RRM2: variants seen among roughly 807,000 people sequenced by gnomAD.
RRM2 encodes ribonucleotide reductase regulatory subunit M2, also known as ribonucleoside-diphosphate reductase subunit M2.
RRM2 carries 6 observed loss-of-function variants against 45.9 expected under a neutral mutation model. That is an observed-to-expected ratio of 0.13 (90% CI 0.07 to 0.26). RRM2 has a LOEUF of 0.26. Among genes scored for constraint, RRM2 ranks in the 10% least tolerant of loss-of-function variants. RRM2 has a pLI of 1.00. For synonymous variants in RRM2, 177 were observed against 173.0 expected (o/e 1.02, Z -0.18); for missense variants, 343 against 489.5 (o/e 0.70, Z 2.82).
chr2:10,200,048 A>G (rs1664513844), intron 3 of RRM2, among the ~76,000 whole-genome samples: 1 of 152,060 alleles, frequency 6.6e-6, no homozygotes, highest in African/African-American at 2.4e-5. Context: ...GGCCAGGCTG[A>G]TCTCCAACTC....
Position 10,122,759 on chromosome 2 carries a change from C to T in RRM2, c.-40C>T. 6 of 1,560,716 alleles carry T rather than the reference C, an allele frequency of 3.8e-6. No individual in the cohort carries two copies. The highest frequency in any genetic ancestry group is 4.8e-5 in the East Asian group (2 of 42,060). On this transcript the variant is annotated 5_prime_UTR_variant, in exon 1 of 10. Coordinates refer to ENST00000304567, the MANE Select transcript of RRM2 (RefSeq NM_001034.4). ...CGCCCGTGCACCCTGTCCCAGCCGTCCTGTCCTGGCTGCTCGCTCTGCTTC... is the reference window on the plus strand; with the variant it reads ...CGCCCGTGCACCCTGTCCCAGCCGTTCTGTCCTGGCTGCTCGCTCTGCTTC...
intron 3 of RRM2, among the ~76,000 whole-genome samples, chr2:10,177,702 CCTTCCTCT>C (rs1301968846): frequency 7.0e-5 from 10 of 142,478 alleles, no homozygotes; most frequent in African/African-American, 2.7e-4. Context: ...TTCCTTCCTT[CCTTCCTCT>C]CTCCCTCCCT....
upstream of RRM2, among the ~76,000 whole-genome samples, chr2:10,140,418 T>C (rs1308341589): frequency 6.6e-6 from 1 of 152,222 alleles, no homozygotes; most frequent in East Asian, 1.9e-4. Flanking sequence ...ATAGCTGCTG[T>C]GGTCTGTATT....
intron 3 of RRM2, among the ~76,000 whole-genome samples, chr2:10,164,703 T>C (rs1292274921): frequency 6.6e-6 from 1 of 152,142 alleles, no homozygotes; most frequent in Non-Finnish European, 1.5e-5. Context: ...GGCCAGAGAA[T>C]CCAACCCTGG....
At chr2:10,179,285 G>A (rs572172826) in intron 3 of RRM2, among the ~76,000 whole-genome samples, 1 of 152,220 alleles carries the variant, frequency 6.6e-6, no homozygotes, top group South Asian at 2.1e-4. Context: ...CCAAGTAGCT[G>A]GGATTACAGC....
At chr2:10,141,798 G>A in intron 1 of RRM2, 2 of 1,548,016 alleles carry the variant, frequency 1.3e-6, no homozygotes, top group Non-Finnish European at 1.7e-6. Flanking sequence ...GGCTGGGGCT[G>A]GGAGGCGGTT....
chr2:10,196,363 G>T (rs1664413330), intron 3 of RRM2, among the ~76,000 whole-genome samples: 1 of 152,188 alleles, frequency 6.6e-6, no homozygotes, highest in South Asian at 2.1e-4. Flanking sequence ...GGAAAGAGCT[G>T]GGTTTCATCT....
At chr2:10,203,064 G>A (rs1434843365) in intron 3 of RRM2, among the ~76,000 whole-genome samples, 1 of 152,180 alleles carries the variant, frequency 6.6e-6, no homozygotes, top group Non-Finnish European at 1.5e-5. Context: ...TAATTACCTC[G>A]GCAATGACAG....
chr2:10,127,016 G>GT lies in RRM2; in HGVS notation c.664+48dup. The GT allele has an allele frequency of 5.6e-6, 9 of 1,611,086 alleles. No individual in the cohort carries two copies. The highest frequency in any genetic ancestry group is 7.6e-6 in the Non-Finnish European group (9 of 1,177,554). On this transcript the variant is annotated intron_variant, in intron 6 of 9. Coordinates refer to ENST00000304567, the MANE Select transcript of RRM2 (RefSeq NM_001034.4). This position sits in a 1 kb window ranked among gnomAD's most constrained non-coding sequence, Gnocchi z 4.1. ...CTTAAACCTGAGCTTCATTTTCCAA[G>GT]TAATGTTACTGGATTTTTGGCCCTT... is the stretch of plus-strand genomic sequence containing the variant.
At chr2:10,123,573 A>G (rs1662716791) in intron 3 of RRM2, 43 bp downstream of exon 3, 2 of 1,579,246 alleles carry the variant, frequency 1.3e-6, no homozygotes, top group East Asian at 4.5e-5. Flanking sequence ...GGTGACCGTC[A>G]CGCCTCAGAC....
chr2:10,184,691 C>T (rs182543984), intron 3 of RRM2, among the ~76,000 whole-genome samples: 132 of 152,336 alleles, frequency 8.7e-4, no homozygotes, highest in African/African-American at 2.8e-3. Flanking sequence ...TGAGGTCTCT[C>T]GGTCTCCATG....
chr2:10,166,938 G>A (rs192473869), intron 3 of RRM2, among the ~76,000 whole-genome samples: 2 of 152,368 alleles, frequency 1.3e-5, no homozygotes, highest in East Asian at 1.9e-4. Context: ...GGAAACAAGT[G>A]TGTCTGTACG....
rs1246201083 is a variant in RRM2, at chr2:10,171,527, G to A, written n.482+29152G>A. On this transcript the variant is annotated intron_variant and non_coding_transcript_variant, in intron 3 of 3. Transcript: ENST00000381786. This position sits in a 1 kb window ranked among gnomAD's most constrained non-coding sequence, Gnocchi z 4.1. Reference sequence around the variant, plus strand: ...GGGTCGAGTGAGCTAAGCAGGGCTTGGCAAGGTGGTGTCCCCCGGTCAGTG... The same window carrying A: ...GGGTCGAGTGAGCTAAGCAGGGCTTAGCAAGGTGGTGTCCCCCGGTCAGTG... 6.6e-6 allele frequency among the ~76,000 whole-genome samples: 1 copy of A among 152,220 alleles called. No homozygotes were observed. The highest frequency in any genetic ancestry group is 1.9e-4 in the East Asian group (1 of 5,192).
chr2:10,142,462 C>T, intron 3 of RRM2: 1 of 1,298,554 alleles, frequency 7.7e-7, no homozygotes, highest in Non-Finnish European at 1.0e-6. Context: ...TGTTTCCTAG[C>T]TCAGTGTACA....
rs1463219751 is a variant in RRM2 at position 10,185,972 on chromosome 2, A to G, written n.483-24339A>G. On this transcript the variant is annotated intron_variant and non_coding_transcript_variant, in intron 3 of 3. Transcript: ENST00000381786. This position sits in a 1 kb window ranked among gnomAD's most constrained non-coding sequence, Gnocchi z 4.3. ...GCTGCTGGACAGAGGCAGGTCCAGCATACTTTGAATGTTGTTATGAAGTCC... is the reference window on the plus strand; with the variant it reads ...GCTGCTGGACAGAGGCAGGTCCAGCGTACTTTGAATGTTGTTATGAAGTCC... Among the ~76,000 whole-genome samples the G allele has an allele frequency of 6.6e-6, 1 of 152,236 alleles. No homozygotes were observed. Among genetic ancestry groups the G allele is most frequent in the East Asian group, 1.9e-4 (1 of 5,196 alleles).
chr2:10,200,716 A>G (rs6761528), intron 3 of RRM2, among the ~76,000 whole-genome samples: 9,604 of 71,948 alleles, frequency 0.13, 1,943 homozygotes, highest in Admixed American at 0.21. Flanking sequence ...GACCGCGCAC[A>G]CAAAATATGA....
intron 3 of RRM2, among the ~76,000 whole-genome samples, chr2:10,190,185 ATGGTGG>A (rs756703549): frequency 7.4e-6 from 1 of 134,808 alleles, no homozygotes; most frequent in African/African-American, 2.8e-5. Flanking sequence ...GATGGTTATG[ATGGTGG>A]TGGTGGTGGT....
chr2:10,127,140 T>C lies in RRM2; in HGVS notation c.718T>C (p.Phe240Leu). ...AVEGIFFSGSFASIFWLKKRG... is the reference protein window; with the variant it reads ...AVEGIFFSGSLASIFWLKKRG... ...GGAAGGCATTTTCTTTTCCGGTTCT[T>C]TTGCGTCGATATTCTGGCTCAAGAA... The change falls in exon 7 of 10, where the codon TTT (phenylalanine) becomes CTT (leucine). Residue 240 changes from phenylalanine to leucine, a missense_variant. Around this residue, in one of 2 missense-constraint regions of RRM2, gnomAD observed 212 missense variants for 368.1 expected, o/e 0.58. Transcript: ENST00000304567. This position sits in a 1 kb window ranked among gnomAD's most constrained non-coding sequence, Gnocchi z 4.1. 1 of 1,614,204 alleles carries C rather than the reference T, an allele frequency of 6.2e-7. No individual in the cohort carries two copies. Among genetic ancestry groups the C allele is most frequent in the Non-Finnish European group, 8.5e-7 (1 of 1,180,040 alleles).
At chr2:10,138,161 C>G (rs185018182), upstream of RRM2, among the ~76,000 whole-genome samples, 1 of 132,016 alleles carries the variant, frequency 7.6e-6, no homozygotes, top group Non-Finnish European at 1.6e-5. Context: ...CCATCATGCC[C>G]GGCTAATTTT....
Sources: gnomAD v4.1 joint callset for allele counts (sites outside exome capture counted in the v4.1 genomes callset) on GRCh38, gnomAD v4.1.1 for gene constraint, gnomAD v4.1.1 regional missense constraint, Gnocchi (gnomAD v3.1) non-coding constraint, MANE v1.5 for transcripts, NCBI Gene and HGNC (gene_info 2026-07-23, HGNC 2026-07-21) for gene names.